KCNQ5: variants seen among roughly 807,000 people sequenced by gnomAD.
KCNQ5 encodes potassium voltage-gated channel subfamily Q member 5.
KCNQ5 carries 30 observed loss-of-function variants against 98.2 expected under a neutral mutation model. That is an observed-to-expected ratio of 0.31 (90% confidence interval 0.23 to 0.41). The LOEUF (loss-of-function observed/expected upper bound fraction) is 0.41. Ranked by LOEUF, KCNQ5 falls within the 10% of genes least tolerant of loss-of-function variation. KCNQ5 has a pLI of 1.00. For missense variants in KCNQ5, 835 were observed against 1,182.5 expected (o/e 0.71, Z 4.31); for synonymous variants, 458 against 449.4 (o/e 1.02, Z -0.24).
intron 1 of KCNQ5, among the ~76,000 whole-genome samples, chr6:72,843,643 T>C (rs1233267045): frequency 6.6e-6 from 1 of 152,198 alleles, no homozygotes; most frequent in East Asian, 1.9e-4. Context: ...TGGAAATTCC[T>C]CAAGGATCTA....
chr6:72,798,536 C>G (rs1465939942), intron 1 of KCNQ5, among the ~76,000 whole-genome samples: 1 of 152,174 alleles, frequency 6.6e-6, no homozygotes, highest in Admixed American at 6.6e-5. Flanking sequence ...CAAGAAAGCA[C>G]TCACAAAACA....
At chr6:73,039,740 T>C (rs1020465290) in intron 2 of KCNQ5, among the ~76,000 whole-genome samples, 5 of 152,196 alleles carry the variant, frequency 3.3e-5, no homozygotes, top group Admixed American at 3.3e-4. Context: ...GAATATAATC[T>C]ATCTTAATAA....
intron 11 of KCNQ5, among the ~76,000 whole-genome samples, chr6:73,187,992 T>C (rs1231194962): frequency 6.6e-6 from 1 of 152,010 alleles, no homozygotes; most frequent in Non-Finnish European, 1.5e-5. Flanking sequence ...GTATGTAGGT[T>C]CACATCTGGG....
At position 72,767,754 on chromosome 6, in the gene KCNQ5, T is replaced by C. The variant is rs542140521; in HGVS notation, c.398+145167T>C. ...AAAAGATGTTTGATACTGTTAGCCA[T>C]CAGTGAAATGCAAAACAAAAGCACA... On this transcript the variant is annotated intron_variant, in intron 1 of 13. Transcript: ENST00000370398. Among the ~76,000 whole-genome samples, 32 of 152,130 alleles carry C rather than the reference T, an allele frequency of 2.1e-4. No individual in the cohort carries two copies. The East Asian group carries it at 5.4e-3, about 26-fold the overall frequency.
chr6:72,736,746 G>T (rs906476799), intron 1 of KCNQ5, among the ~76,000 whole-genome samples: 1 of 151,498 alleles, frequency 6.6e-6, no homozygotes, highest in African/African-American at 2.4e-5. Flanking sequence ...TGATCCGCCC[G>T]CCTCGGCCTC....
intron 2 of KCNQ5, among the ~76,000 whole-genome samples, chr6:73,017,861 G>A (rs1770422029): frequency 6.6e-6 from 1 of 152,046 alleles, no homozygotes; most frequent in African/African-American, 2.4e-5. Context: ...TCTTAACAAA[G>A]AAATGGAAAC....
At chr6:72,883,585 G>A (rs7770802) in intron 1 of KCNQ5, among the ~76,000 whole-genome samples, 91,268 of 151,966 alleles carry the variant, frequency 0.6, 28,068 homozygotes, top group East Asian at 0.79. Flanking sequence ...AGGAAGACAG[G>A]AGTCAAAAAA....
intron 1 of KCNQ5, among the ~76,000 whole-genome samples, chr6:72,806,181 A>G (rs1774945592): frequency 6.6e-6 from 1 of 152,110 alleles, no homozygotes; most frequent in Non-Finnish European, 1.5e-5. Flanking sequence ...TTTCTCTTTT[A>G]CCTGGGGTGG....
chr6:72,808,134 T>C (rs992990029), intron 1 of KCNQ5, among the ~76,000 whole-genome samples: 1 of 152,124 alleles, frequency 6.6e-6, no homozygotes, highest in African/African-American at 2.4e-5. Flanking sequence ...AGAGAGTCAA[T>C]GGCGGCCTTA....
At chr6:73,076,366 A>T (rs191739450) in intron 3 of KCNQ5, among the ~76,000 whole-genome samples, 100 of 152,334 alleles carry the variant, frequency 6.6e-4, no homozygotes, top group African/African-American at 2.3e-3. Context: ...ATTGTATTTG[A>T]GGATGTTAAA....
At chr6:72,688,946 T>A (rs1188088459) in intron 1 of KCNQ5, among the ~76,000 whole-genome samples, 8 of 152,180 alleles carry the variant, frequency 5.3e-5, no homozygotes, top group Non-Finnish European at 1.0e-4. Context: ...ACAGAGCACA[T>A]GTTAAAGTAA....
intron 1 of KCNQ5, among the ~76,000 whole-genome samples, chr6:72,791,271 A>G (rs1303571313): frequency 1.3e-5 from 2 of 152,204 alleles, no homozygotes; most frequent in South Asian, 2.1e-4. Flanking sequence ...CCATGTACTC[A>G]CACATGCATA....
At chr6:72,851,501 C>T (rs186628501) in intron 1 of KCNQ5, among the ~76,000 whole-genome samples, 22 of 152,184 alleles carry the variant, frequency 1.4e-4, no homozygotes, top group Admixed American at 1.4e-3. Context: ...AAGCTTTATT[C>T]CCACTTGTTT....
At chr6:72,964,878 A>T (rs1767530872) in intron 1 of KCNQ5, among the ~76,000 whole-genome samples, 1 of 152,196 alleles carries the variant, frequency 6.6e-6, no homozygotes, top group Non-Finnish European at 1.5e-5. Flanking sequence ...CAGCACTCAC[A>T]CTGTAAACAT....
At chr6:72,736,309 T>TA (rs1770829431) in intron 1 of KCNQ5, among the ~76,000 whole-genome samples, 1 of 151,960 alleles carries the variant, frequency 6.6e-6, no homozygotes, top group East Asian at 1.9e-4. Flanking sequence ...GTGGCAGCAA[T>TA]CTCAATGTCC....
intron 1 of KCNQ5, among the ~76,000 whole-genome samples, chr6:72,861,260 G>A (rs1037115204): frequency 1.3e-5 from 2 of 152,262 alleles, no homozygotes; most frequent in South Asian, 4.1e-4. Flanking sequence ...TAACTATGCA[G>A]ACCAAGCAGC....
chr6:72,903,633 A>C (rs540974976), intron 1 of KCNQ5, among the ~76,000 whole-genome samples: 2 of 152,044 alleles, frequency 1.3e-5, no homozygotes, highest in African/African-American at 4.8e-5. Flanking sequence ...ATGTATTTGC[A>C]TGGTTTTGAA....
At chr6:73,033,177 C>T (rs1771228481) in intron 2 of KCNQ5, among the ~76,000 whole-genome samples, 1 of 152,108 alleles carries the variant, frequency 6.6e-6, no homozygotes, top group African/African-American at 2.4e-5. Context: ...GAATGTCCTG[C>T]TGTTCCCACC....
At chr6:72,990,727 T>C in intron 1 of KCNQ5, among the ~76,000 whole-genome samples, 1 of 42,138 alleles carries the variant, frequency 2.4e-5, no homozygotes, top group Non-Finnish European at 4.4e-5. Context: ...GGCATCCCTG[T>C]CTTGTGCCAG....
Sources: gnomAD v4.1 joint callset for allele counts (sites outside exome capture counted in the v4.1 genomes callset) on GRCh38, gnomAD v4.1.1 for gene constraint, MANE v1.5 for transcripts, NCBI Gene and HGNC (gene_info 2026-07-23, HGNC 2026-07-21) for gene names.